TLK2: variants seen among roughly 807,000 people sequenced by gnomAD.
The protein encoded by TLK2 is tousled like kinase 2.
Under a neutral mutation model 117.3 loss-of-function variants are expected in TLK2, and 6 were observed. The observed-to-expected ratio is 0.05, with a 90% CI of 0.03 to 0.10. The LOEUF is 0.10. Among genes scored for constraint, TLK2 ranks in the 10% least tolerant of loss-of-function variants. The pLI, the probability that TLK2 is intolerant of heterozygous loss-of-function variation, is 1.00. For missense variants in TLK2, 299 were observed against 901.2 expected (o/e 0.33, Z 8.56); for synonymous variants, 257 against 316.7 (o/e 0.81, Z 2.00).
At chr17:62,566,338 C>A (rs2079794220) in intron 11 of TLK2, among the ~76,000 whole-genome samples, 1 of 151,884 alleles carries the variant, frequency 6.6e-6, no homozygotes, top group Non-Finnish European at 1.5e-5. Flanking sequence ...GAAACTTATG[C>A]CTGAAAGAAA....
chr17:62,576,869 A>T (rs1186772033), intron 13 of TLK2, 94 bp downstream of exon 13: 8 of 866,850 alleles, frequency 9.2e-6, no homozygotes, highest in Admixed American at 8.3e-5. Flanking sequence ...ATGTAATAGT[A>T]GCTGCACATA....
chr17:62,487,090 G>A (rs915621994), intron 2 of TLK2, among the ~76,000 whole-genome samples: 1 of 152,116 alleles, frequency 6.6e-6, no homozygotes, highest in Non-Finnish European at 1.5e-5. Flanking sequence ...TCAGGAGATC[G>A]AGACCGTCCT....
intron 2 of TLK2, among the ~76,000 whole-genome samples, chr17:62,503,052 C>CTTT (rs535547546): frequency 1.5e-3 from 128 of 87,152 alleles, no homozygotes; most frequent in African/African-American, 2.3e-3. Context: ...TTTGGCTTAA[C>CTTT]TTTTTTTTTT....
At chr17:62,496,238 C>A (rs979390459) in intron 2 of TLK2, among the ~76,000 whole-genome samples, 7 of 151,978 alleles carry the variant, frequency 4.6e-5, no homozygotes, top group Non-Finnish European at 8.8e-5. Flanking sequence ...GTTTTACATT[C>A]ATACATATAG....
intron 11 of TLK2, 184 bp from the exon 12 acceptor site, chr17:62,573,031 C>T (rs966274268): frequency 1.7e-6 from 1 of 595,116 alleles, no homozygotes; most frequent in Non-Finnish European, 2.9e-6. Context: ...AGACTCATTC[C>T]CAGAAAACAT....
At chr17:62,531,600 T>A (rs960201885) in intron 6 of TLK2, among the ~76,000 whole-genome samples, 15 of 152,206 alleles carry the variant, frequency 9.9e-5, no homozygotes, top group Non-Finnish European at 1.8e-4. Context: ...TACTCCTCAT[T>A]GTTCTTGAAA....
chr17:62,517,934 G>A (rs2075742882), intron 2 of TLK2, among the ~76,000 whole-genome samples: 1 of 152,030 alleles, frequency 6.6e-6, no homozygotes, highest in South Asian at 2.1e-4. Context: ...CTGACCTCAG[G>A]TGATCCGCCT....
At chr17:62,532,050 A>T (rs4143976) in intron 6 of TLK2, among the ~76,000 whole-genome samples, 1 of 152,186 alleles carries the variant, frequency 6.6e-6, no homozygotes, top group Admixed American at 6.6e-5. Flanking sequence ...AAGATCTGCA[A>T]GTGCCCTTAG....
chr17:62,476,140 G>T (rs1202678476), upstream of TLK2, among the ~76,000 whole-genome samples: 1 of 151,800 alleles, frequency 6.6e-6, no homozygotes, highest in African/African-American at 2.4e-5. Flanking sequence ...CCACTATGCC[G>T]AGCTAATTTT....
At chr17:62,484,283 A>G (rs1202322570) in intron 2 of TLK2, among the ~76,000 whole-genome samples, 2 of 151,390 alleles carry the variant, frequency 1.3e-5, no homozygotes, top group Non-Finnish European at 2.9e-5. Flanking sequence ...GGAAAAGAAA[A>G]TCTCCATTTC....
Position 62,541,810 on chromosome 17 carries a change from C to G in TLK2, c.531+5473C>G, listed in dbSNP as rs373563792. Among the ~76,000 whole-genome samples, 6 of 151,870 alleles carry G rather than the reference C, an allele frequency of 4.0e-5. No homozygotes were observed. In the South Asian group the frequency reaches 6.4e-4, roughly 16 times the overall value. ...CAGCTAGAGATTGCACCACTGCACT[C>G]CAGCCTGGGTGACAAAGTGAGACTC... On this transcript the variant is annotated intron_variant, in intron 7 of 21. Coordinates refer to ENST00000346027, the MANE Select transcript of TLK2 (RefSeq NM_006852.6).
rs927476563 is a variant in TLK2 at position 62,530,885 on chromosome 17, C to T, written c.364-5285C>T. On this transcript the variant is annotated intron_variant, in intron 6 of 21. Coordinates refer to ENST00000346027, the MANE Select transcript of TLK2 (RefSeq NM_006852.6). ...TTTTGGCTGTGTATATTTTTAGGTT[C>T]GCTTTCTTTTTTTTTCTTTTAACAC... is the stretch of plus-strand genomic sequence containing the variant. 3.9e-5 allele frequency among the ~76,000 whole-genome samples: 6 copies of T among 151,984 alleles called. No homozygotes were observed. The South Asian group carries it at 1.0e-3, about 26-fold the overall frequency.
intron 7 of TLK2, among the ~76,000 whole-genome samples, chr17:62,537,585 G>T (rs1274437117): frequency 6.6e-6 from 1 of 152,140 alleles, no homozygotes; most frequent in Non-Finnish European, 1.5e-5. Flanking sequence ...GTGTGTGTGT[G>T]CAACAGAATG....
intron 17 of TLK2, among the ~76,000 whole-genome samples, chr17:62,599,166 C>G (rs955840871): frequency 3.9e-5 from 6 of 152,200 alleles, no homozygotes; most frequent in Non-Finnish European, 7.3e-5. Flanking sequence ...AGGCTGGTCT[C>G]AAACTCCTGG....
intron 14 of TLK2, among the ~76,000 whole-genome samples, chr17:62,579,803 T>G (rs977583842): frequency 3.9e-5 from 6 of 152,200 alleles, no homozygotes; most frequent in African/African-American, 1.4e-4. Context: ...TAAAAATCTC[T>G]AATCTACCCT....
chr17:62,525,141 G>A lies in TLK2; in HGVS notation c.363+810G>A, dbSNP rs192176410. Among the ~76,000 whole-genome samples the A allele has an allele frequency of 2.4e-4, 37 of 152,246 alleles. No homozygotes were observed. In the East Asian group the frequency reaches 6.4e-3, roughly 26 times the overall value. ...GTGTGCTCTATCCCCTAATACCTTA[G>A]GTATTGCCTCTGGGATCTTGGGAGA... On this transcript the variant is annotated intron_variant, in intron 6 of 21. Transcript: ENST00000346027.
At chr17:62,488,933 C>T (rs2072790128) in intron 2 of TLK2, among the ~76,000 whole-genome samples, 2 of 150,512 alleles carry the variant, frequency 1.3e-5, no homozygotes, top group African/African-American at 4.9e-5. Flanking sequence ...TCAAGTGCTC[C>T]TCCCGCCTCA....
Position 62,565,130 on chromosome 17 carries a change from C to T in TLK2, c.961C>T (p.Leu321Phe), listed in dbSNP as rs1262617491. The change falls in exon 11 of 22, where the codon CTT (leucine) becomes TTT (phenylalanine). Residue 321 changes from leucine to phenylalanine, a missense_variant. Leu to Phe is a conservative substitution (Grantham distance 22). This residue lies in a region of TLK2 where 94 missense variants were observed against 282.6 expected (regional missense o/e 0.33). Coordinates refer to ENST00000346027, the MANE Select transcript of TLK2 (RefSeq NM_006852.6). ...GACAGATGGTTATGCTTTTCAGAAT[C>T]TTATCAAGTAAGTGAATTGTTATGA... ...QWTDGYAFQN[L>F]IKQQERINSQ... The T allele has an allele frequency of 6.2e-7, 1 of 1,600,926 alleles. No individual in the cohort carries two copies. Among genetic ancestry groups the T allele is most frequent in the South Asian group, 1.1e-5 (1 of 87,632 alleles).
At chr17:62,524,466 A>G (rs1598379149) in intron 6 of TLK2, 135 bp downstream of exon 6, 27 of 1,305,544 alleles carry the variant, frequency 2.1e-5, no homozygotes, top group African/African-American at 1.8e-4. Context: ...AGTTTTACCT[A>G]TGAATCCCTT....
Sources: gnomAD v4.1 joint callset for allele counts (sites outside exome capture counted in the v4.1 genomes callset) on GRCh38, gnomAD v4.1.1 for gene constraint, gnomAD v4.1.1 regional missense constraint, MANE v1.5 for transcripts, NCBI Gene and HGNC (gene_info 2026-07-23, HGNC 2026-07-21) for gene names.